ACADVL: variants seen among roughly 807,000 people sequenced by gnomAD.
ACADVL encodes the protein acyl-CoA dehydrogenase very long chain.
Under a neutral mutation model 80.4 loss-of-function variants are expected in ACADVL, and 73 were observed. The ratio of observed to expected loss-of-function variants is 0.91; its 90% CI spans 0.75 to 1.10. ACADVL has a LOEUF of 1.10. Among genes scored for constraint, ACADVL ranks in the 50% least tolerant of loss-of-function variants. The probability of loss-of-function intolerance (pLI) is 0.00; values close to 1 mark genes in which losing one functional copy is unlikely to be tolerated. For missense variants in ACADVL, 878 were observed against 858.9 expected, an observed-to-expected ratio of 1.02 and a Z score of -0.28; for synonymous variants, 392 against 326.5, an observed-to-expected ratio of 1.20 and a Z score of -2.16.
At position 7,223,177 on chromosome 17, in the gene ACADVL, C is replaced by A. The variant is rs750981051; in HGVS notation, c.1122C>A (p.His374Gln). The A allele has an allele frequency of 6.2e-7, 1 of 1,614,136 alleles. No homozygotes were observed. Among genetic ancestry groups the A allele is most frequent in the South Asian group, 1.1e-5 (1 of 91,080 alleles). ...GTACCCAGTTTGGGGAGAAAATTCA[C>A]AACTTTGGGCTGATCCAGGAGAAGC... ...TNRTQFGEKI[H>Q]NFGLIQEKLA... Residue 374 changes from histidine to glutamine, a missense_variant, in exon 11 of 20, where the codon CAC becomes CAA. Physicochemically the swap from His to Gln is conservative, Grantham distance 24. Coordinates refer to ENST00000356839, the MANE Select transcript of ACADVL (RefSeq NM_000018.4).
chr17:7,223,085 C>T (rs577347505), intron 10 of ACADVL, 48 bp from the exon 11 acceptor site: 2 of 1,564,034 alleles, frequency 1.3e-6, no homozygotes, highest in African/African-American at 2.7e-5. Flanking sequence ...CCTAGGGAGA[C>T]TGCAGAACCA....
At position 7,225,124 on chromosome 17, in the gene ACADVL, T is replaced by C. The variant is rs932630476; in HGVS notation, c.*27T>C. The C allele has an allele frequency of 6.2e-7, 1 of 1,613,684 alleles. No individual in the cohort carries two copies. The highest frequency in any genetic ancestry group is 1.3e-5 in the African/African-American group (1 of 74,942). ...TACTCCCGGCCAGGGCCTGTCCCAGTTATGTGCCTTCCCTCAAGCCAAAGC... is the reference window on the plus strand; with the variant it reads ...TACTCCCGGCCAGGGCCTGTCCCAGCTATGTGCCTTCCCTCAAGCCAAAGC... On this transcript the variant is annotated 3_prime_UTR_variant, in exon 20 of 20. Transcript: ENST00000356839.
rs1555527718 is a variant in ACADVL, at chr17:7,220,629, T to C, written c.230T>C (p.Met77Thr). 6.2e-7 allele frequency: 1 copy of C among 1,614,140 alleles called. No individual in the cohort carries two copies. Among genetic ancestry groups the C allele is most frequent in the Non-Finnish European group, 8.5e-7 (1 of 1,180,020 alleles). ...GAATCTAAGTCCTTTGCTGTGGGAA[T>C]GTTCAAAGGCCAGCTCACCACAGAT... is the stretch of plus-strand genomic sequence containing the variant. ...KAESKSFAVG[M>T]FKGQLTTDQV... Residue 77 changes from methionine (M) to threonine (T), a missense_variant, in exon 4 of 20, where the codon ATG (methionine) becomes ACG (threonine). Coordinates refer to ENST00000356839, the MANE Select transcript of ACADVL (RefSeq NM_000018.4).
rs977348928 is a variant in ACADVL at position 7,221,948 on chromosome 17, A to G, written c.623-4A>G. The G allele has an allele frequency of 6.2e-7, 1 of 1,614,062 alleles. No homozygotes were observed. Among genetic ancestry groups the G allele is most frequent in the Non-Finnish European group, 8.5e-7 (1 of 1,180,004 alleles). Reference sequence around the variant, plus strand: ...TTGGGGTAAAGTAGCTCTCTCCCCAACAGGGGAGACTGTGGCCGCTTTCTG... The same window carrying G: ...TTGGGGTAAAGTAGCTCTCTCCCCAGCAGGGGAGACTGTGGCCGCTTTCTG... On this transcript the variant is annotated splice_region_variant and splice_polypyrimidine_tract_variant and intron_variant, in intron 7 of 19. Transcript: ENST00000356839.
intron 2 of ACADVL, 97 bp from the exon 3 acceptor site, chr17:7,220,367 A>G: frequency 6.3e-7 from 1 of 1,586,538 alleles, no homozygotes; most frequent in Non-Finnish European, 8.6e-7. Flanking sequence ...GGGAAAGGTC[A>G]CCGCTTCGCG....
Position 7,223,664 on chromosome 17 carries a change from T to G in ACADVL, c.1203T>G (p.Ser401Arg). 1.2e-6 allele frequency: 2 copies of G among 1,613,880 alleles called. No individual in the cohort carries two copies. Among genetic ancestry groups the G allele is most frequent in the Non-Finnish European group, 1.7e-6 (2 of 1,179,966 alleles). ...CTCAGTCCATGGCTTACATGGTGAG[T>G]GCTAACATGGACCAGGGAGCCACGG... Reference protein sequence around the residue: ...YVTESMAYMVSANMDQGATDF... With the variant: ...YVTESMAYMVRANMDQGATDF... The change falls in exon 12 of 20, where the codon AGT becomes AGG. Residue 401 changes from serine to arginine, a missense_variant. Physicochemically the swap from Ser to Arg is moderately radical, Grantham distance 110. Coordinates refer to ENST00000356839, the MANE Select transcript of ACADVL (RefSeq NM_000018.4).
upstream of ACADVL, chr17:7,219,885 T>C (rs1442007177): frequency 1.9e-6 from 3 of 1,542,600 alleles, no homozygotes; most frequent in East Asian, 2.4e-5. Context: ...CCCGGTGCAC[T>C]GTGGACGATG....
chr17:7,225,031 C>G lies in ACADVL; in HGVS notation c.1902C>G (p.Phe634Leu), dbSNP rs374068985. 3 of 1,614,040 alleles carry G rather than the reference C, an allele frequency of 1.9e-6. No individual in the cohort carries two copies. The highest frequency in any genetic ancestry group is 2.5e-6 in the Non-Finnish European group (3 of 1,180,044). ...DPWQQELYRN[F>L]KSISKALVER... is the part of the protein sequence containing the mutation. The stretch of plus-strand genomic sequence containing the variant: ...GGCAGCAAGAGCTCTACCGCAACTT[C>G]AAAAGCATCTCCAAGGCCTTGGTGG... The change falls in exon 20 of 20, where the codon TTC becomes TTG. Residue 634 changes from phenylalanine to leucine, a missense_variant. Coordinates refer to ENST00000356839, the MANE Select transcript of ACADVL (RefSeq NM_000018.4).
Position 7,224,475 on chromosome 17 carries a change from T to A in ACADVL, c.1606-5T>A, listed in dbSNP as rs1488827270. 6 of 1,613,896 alleles carry A rather than the reference T, an allele frequency of 3.7e-6. No homozygotes were observed. In the South Asian group the frequency reaches 6.6e-5, roughly 18 times the overall value. On this transcript the variant is annotated splice_polypyrimidine_tract_variant and splice_region_variant and intron_variant, in intron 16 of 19. Coordinates refer to ENST00000356839, the MANE Select transcript of ACADVL (RefSeq NM_000018.4). ...CTGAGCCCCGCACTGTCCCCATCTC[T>A]TAAGGCAGTACGGGCTCTGGAGCAG...
intron 9 of ACADVL, 85 bp from the exon 10 acceptor site, chr17:7,222,582 G>T: frequency 7.2e-7 from 1 of 1,384,384 alleles, no homozygotes; most frequent in Non-Finnish European, 1.0e-6. Flanking sequence ...ATTCCTCCCT[G>T]GTGCATAAGG....
chr17:7,223,264 T>C (rs766890422), intron 11 of ACADVL, 27 bp downstream of exon 11: 59 of 1,582,886 alleles, frequency 3.7e-5, no homozygotes, highest in Non-Finnish European at 4.4e-5. Flanking sequence ...CCCCTCTCCC[T>C]GGAGCCCTGG....
chr17:7,222,544 T>C (rs1257267699), intron 9 of ACADVL, 123 bp from the exon 10 acceptor site: 19 of 1,206,786 alleles, frequency 1.6e-5, no homozygotes, highest in Admixed American at 4.0e-5. Context: ...AAGTGGTGGC[T>C]GTAGCCTCTA....
Position 7,220,090 on chromosome 17 carries a change from C to G in ACADVL, c.63-32C>G, listed in dbSNP as rs775656628. ...GGACGGTGGGCAGCGGCCCTGGGCACCGGGCCGGCACTGAACCCCCACTCC... is the reference window on the plus strand; with the variant it reads ...GGACGGTGGGCAGCGGCCCTGGGCAGCGGGCCGGCACTGAACCCCCACTCC... On this transcript the variant is annotated intron_variant, in intron 1 of 19. Transcript: ENST00000356839. 3 of 1,593,098 alleles carry G rather than the reference C, an allele frequency of 1.9e-6. No individual in the cohort carries two copies. The South Asian group carries it at 3.3e-5, about 18-fold the overall frequency.
In ACADVL at chr17:7,222,825, C is replaced by A; in HGVS notation, c.1037C>A (p.Ala346Glu). 1 of 1,613,332 alleles carries A rather than the reference C, an allele frequency of 6.2e-7. No homozygotes were observed. Among genetic ancestry groups the A allele is most frequent in the Non-Finnish European group, 8.5e-7 (1 of 1,179,996 alleles). Residue 346 changes from alanine to glutamate, a missense_variant, in exon 10 of 20, where the codon GCG becomes GAG. Ala to Glu is a moderately radical substitution (Grantham distance 107). Coordinates refer to ENST00000356839, the MANE Select transcript of ACADVL (RefSeq NM_000018.4). Reference sequence around the variant, plus strand: ...AACAATGGAAGGTTTGGCATGGCTGCGGCCCTGGCAGGTACCATGAGAGGC... The same window carrying A: ...AACAATGGAAGGTTTGGCATGGCTGAGGCCCTGGCAGGTACCATGAGAGGC... The part of the protein sequence containing the change: ...ILNNGRFGMA[A>E]ALAGTMRGII...
intron 9 of ACADVL, 88 bp downstream of exon 9, chr17:7,222,390 G>T (rs1044920859): frequency 1.3e-6 from 2 of 1,551,580 alleles, no homozygotes; most frequent in East Asian, 2.3e-5. Context: ...CCCTGGGGAC[G>T]TGTGCAAAAG....
intron 6 of ACADVL, 110 bp downstream of exon 6, chr17:7,221,168 C>T (rs2071195908): frequency 3.9e-6 from 6 of 1,546,250 alleles, no homozygotes; most frequent in Middle Eastern, 2.3e-4. Context: ...TAAGCACCTG[C>T]CCTGGGTGCC....
chr17:7,223,543 C>A, intron 11 of ACADVL, 101 bp from the exon 12 acceptor site: 1 of 1,293,234 alleles, frequency 7.7e-7, no homozygotes, highest in South Asian at 1.2e-5. Context: ...CCTGACCTGA[C>A]AAGCTAGGTC....
At position 7,224,948 on chromosome 17, in the gene ACADVL, T is replaced by C; in HGVS notation, c.1828-9T>C. 6.2e-7 allele frequency: 1 copy of C among 1,613,820 alleles called. No individual in the cohort carries two copies. The stretch of plus-strand genomic sequence containing the variant: ...GGTGCAGGCCCAACCCCTCCTTCCC[T>C]CTCCCCAGGCTGCAGCTCGGATCCG... On this transcript the variant is annotated splice_polypyrimidine_tract_variant and intron_variant, in intron 19 of 19. Coordinates refer to ENST00000356839, the MANE Select transcript of ACADVL (RefSeq NM_000018.4).
chr17:7,222,077 A>G lies in ACADVL; in HGVS notation c.748A>G (p.Ile250Val). 1 of 1,614,126 alleles carries G rather than the reference A, an allele frequency of 6.2e-7. No individual in the cohort carries two copies. Among genetic ancestry groups the G allele is most frequent in the Non-Finnish European group, 8.5e-7 (1 of 1,180,014 alleles). The change falls in exon 8 of 20, where the codon ATC (isoleucine) becomes GTC (valine). Residue 250 changes from isoleucine (I) to valine (V), a missense_variant. Transcript: ENST00000356839. ...YYTLNGSKLW[I>V]SNGGLADIFT... ...TACCCTCAATGGAAGCAAGCTTTGG[A>G]TCAGGCAACCTGCCTCCCATTTCTC... is the stretch of plus-strand genomic sequence containing the variant.
Sources: gnomAD v4.1 joint callset for allele counts on GRCh38, gnomAD v4.1.1 for gene constraint, MANE v1.5 for transcripts, NCBI Gene and HGNC (gene_info 2026-07-23, HGNC 2026-07-21) for gene names.